Variants in TNIK observed in about 807,000 individuals in gnomAD.
The protein encoded by TNIK is TRAF2 and NCK-interacting protein kinase.
A neutral mutation model predicts 191.3 loss-of-function variants in TNIK; 49 were observed. The observed-to-expected ratio is 0.26, with a 90% CI of 0.20 to 0.32. TNIK has a LOEUF of 0.32. Ranked by LOEUF, TNIK falls within the 10% of genes least tolerant of loss-of-function variation. The pLI is 1.00. For synonymous variants in TNIK, 594 were observed against 600.9 expected, an observed-to-expected ratio of 0.99 and a Z score of 0.17; for missense variants, 1,155 against 1,702.3, an observed-to-expected ratio of 0.68 and a Z score of 5.66.
chr3:171,376,786 AG>A (rs1315133327), intron 1 of TNIK, among the ~76,000 whole-genome samples: 6 of 149,420 alleles, frequency 4.0e-5, no homozygotes, highest in Non-Finnish European at 5.9e-5. Context: ...ATAGATAGAT[AG>A]ATAGATGAGA....
intron 1 of TNIK, among the ~76,000 whole-genome samples, chr3:171,409,945 AT>A (rs769170109): frequency 1.6e-4 from 24 of 151,788 alleles, no homozygotes; most frequent in Non-Finnish European, 3.4e-4. Flanking sequence ...CTTCTGGCCT[AT>A]GCAACACTTG....
chr3:171,346,681 T>G (rs180701438), intron 2 of TNIK, among the ~76,000 whole-genome samples: 119 of 152,014 alleles, frequency 7.8e-4, no homozygotes, highest in Non-Finnish European at 1.1e-3. Flanking sequence ...AAGAACAGTT[T>G]TGTGAGAAAG....
intron 1 of TNIK, among the ~76,000 whole-genome samples, chr3:171,393,727 T>C (rs1719864986): frequency 6.6e-6 from 1 of 152,212 alleles, no homozygotes; most frequent in Non-Finnish European, 1.5e-5. Flanking sequence ...AACTGATCTC[T>C]TTCGTAATTT....
At chr3:171,134,604 CAG>C (rs1161911034) in intron 15 of TNIK, among the ~76,000 whole-genome samples, 1 of 152,158 alleles carries the variant, frequency 6.6e-6, no homozygotes, top group Non-Finnish European at 1.5e-5. Flanking sequence ...CTTTTTAATG[CAG>C]AGACATTCAT....
At chr3:171,158,692 A>G (rs1733556175) in intron 11 of TNIK, among the ~76,000 whole-genome samples, 1 of 152,222 alleles carries the variant, frequency 6.6e-6, no homozygotes, top group Admixed American at 6.5e-5. Flanking sequence ...CTTTAAAGTT[A>G]TCTTCTTATG....
chr3:171,305,387 T>G (rs1269124926), intron 2 of TNIK, among the ~76,000 whole-genome samples: 5 of 152,144 alleles, frequency 3.3e-5, no homozygotes, highest in Non-Finnish European at 5.9e-5. Context: ...ATTAAAGAGC[T>G]TCTGCATAGC....
intron 18 of TNIK, 110 bp downstream of exon 18, chr3:171,123,486 A>T (rs913255094): frequency 2.4e-6 from 2 of 846,250 alleles, no homozygotes; most frequent in Middle Eastern, 2.8e-4. Flanking sequence ...GCACATGGAA[A>T]GTCAACCTGC....
At chr3:171,250,994 T>C (rs968055812) in intron 2 of TNIK, among the ~76,000 whole-genome samples, 1 of 152,216 alleles carries the variant, frequency 6.6e-6, no homozygotes, top group Non-Finnish European at 1.5e-5. Flanking sequence ...TGTTATTATG[T>C]CTGAAAGTGT....
intron 12 of TNIK, among the ~76,000 whole-genome samples, chr3:171,152,820 G>A (rs1732638333): frequency 6.6e-6 from 1 of 150,966 alleles, no homozygotes. Flanking sequence ...TGCCCAGGCT[G>A]GAGTGCAGTG....
intron 2 of TNIK, among the ~76,000 whole-genome samples, chr3:171,298,531 C>T (rs79050968): frequency 0.022 from 3,362 of 152,194 alleles, 153 homozygotes; most frequent in African/African-American, 0.078. Context: ...GATTTGTGTC[C>T]CTTTTAGGCC....
At chr3:171,427,194 C>T (rs967372270) in intron 1 of TNIK, among the ~76,000 whole-genome samples, 1 of 152,152 alleles carries the variant, frequency 6.6e-6, no homozygotes, top group Non-Finnish European at 1.5e-5. Context: ...TCATACCTTT[C>T]CTGCCCTCCT....
At chr3:171,110,948 A>G in intron 18 of TNIK, 71 bp from the exon 19 acceptor site, 1 of 1,429,786 alleles carries the variant, frequency 7.0e-7, no homozygotes, top group East Asian at 2.6e-5. Context: ...CATATCTGAT[A>G]AGGTTTAATA....
Position 171,128,887 on chromosome 3 carries a change from CA to C in TNIK, c.1609-10del, listed in dbSNP as rs59293515. 199,006 of 1,127,586 alleles carry C rather than the reference CA, an allele frequency of 0.18. 270 individuals are homozygous for C. Among genetic ancestry groups the C allele is most frequent in the African/African-American group, 0.2 (9,742 of 48,554 alleles). The allele number at this position is 1,127,586 out of a possible 1,614,324, so 69.8% of individuals were successfully genotyped here. On this transcript the variant is annotated splice_polypyrimidine_tract_variant and intron_variant, in intron 15 of 32. Coordinates refer to ENST00000436636, the MANE Select transcript of TNIK (RefSeq NM_015028.4). Reference sequence around the variant, plus strand: ...CTTGACCGTTCTTCTACCTACAACCCAAAAAAAAAAAAAAAAAAAAGACAGC... The same window carrying C: ...CTTGACCGTTCTTCTACCTACAACCCAAAAAAAAAAAAAAAAAAAGACAGC...
chr3:171,319,783 T>C lies in TNIK; in HGVS notation c.123+49837A>G, dbSNP rs1754994405. Reference sequence around the variant, plus strand: ...AAGAAGGAAAATGCCCTGAAGAGACTGAGGTATTCTCCAAAAGGTCATAAC... The same window carrying C: ...AAGAAGGAAAATGCCCTGAAGAGACCGAGGTATTCTCCAAAAGGTCATAAC... On this transcript the variant is annotated intron_variant, in intron 2 of 32. Coordinates refer to ENST00000436636, the MANE Select transcript of TNIK (RefSeq NM_015028.4). 2.6e-5 allele frequency among the ~76,000 whole-genome samples: 4 copies of C among 152,268 alleles called. No homozygotes were observed. In the South Asian group the frequency reaches 8.3e-4, roughly 32 times the overall value.
At chr3:171,081,447 A>G (rs1392439706) in intron 27 of TNIK, among the ~76,000 whole-genome samples, 3 of 150,716 alleles carry the variant, frequency 2.0e-5, no homozygotes, top group Middle Eastern at 3.4e-3. Context: ...AACGCTCCTG[A>G]TGCCTAAACC....
chr3:171,460,083 A>C lies in TNIK; in HGVS notation c.-20T>G. The C allele has an allele frequency of 1.3e-6, 2 of 1,597,118 alleles. No homozygotes were observed. The highest frequency in any genetic ancestry group is 1.7e-6 in the Non-Finnish European group (2 of 1,171,642). The stretch of plus-strand genomic sequence containing the variant: ...CGCCATGTCTACTTCTTCGCTGGAG[A>C]AATGGACCAAAACCACCCCGAAGCT... On this transcript the variant is annotated 5_prime_UTR_variant, in exon 1 of 33. Transcript: ENST00000436636. The surrounding 1 kb of genome is among the most constrained non-coding windows in gnomAD (Gnocchi z 6.8).
intron 2 of TNIK, among the ~76,000 whole-genome samples, chr3:171,269,813 ACT>A (rs988087662): frequency 1.4e-4 from 21 of 152,144 alleles, no homozygotes; most frequent in African/African-American, 4.8e-4. Flanking sequence ...GTCTTTACTG[ACT>A]CTTGCATCAA....
chr3:171,109,677 A>C (rs940487956), intron 19 of TNIK, among the ~76,000 whole-genome samples: 10 of 152,230 alleles, frequency 6.6e-5, no homozygotes, highest in Non-Finnish European at 1.5e-4. Context: ...AATTGCAATT[A>C]AAGTACTGGT....
At chr3:171,256,069 G>A (rs1746824389) in intron 2 of TNIK, among the ~76,000 whole-genome samples, 1 of 152,010 alleles carries the variant, frequency 6.6e-6, no homozygotes, top group Admixed American at 6.6e-5. Flanking sequence ...GCCACACAGA[G>A]GGAAAAGAAG....
Sources: gnomAD v4.1 joint callset for allele counts (sites outside exome capture counted in the v4.1 genomes callset) on GRCh38, gnomAD v4.1.1 for gene constraint, Gnocchi (gnomAD v3.1) non-coding constraint, MANE v1.5 for transcripts, NCBI Gene and HGNC (gene_info 2026-07-23, HGNC 2026-07-21) for gene names.